The following ARID5B variants were observed in gnomAD, a reference collection of about 807,000 sequenced individuals.
The protein encoded by ARID5B is AT-rich interaction domain 5B, also known as AT-rich interactive domain-containing protein 5B.
ARID5B carries 13 observed loss-of-function variants against 97.2 expected under a neutral mutation model. That is an observed-to-expected ratio of 0.13 (90% CI 0.09 to 0.21). The LOEUF (loss-of-function observed/expected upper bound fraction) is 0.21, where lower values mean the gene tolerates loss of function less well. Among genes scored for constraint, ARID5B ranks in the 10% least tolerant of loss-of-function variants. ARID5B has a pLI of 1.00. For missense variants in ARID5B, 1,210 were observed against 1,465.3 expected (o/e 0.83, Z 2.84); for synonymous variants, 556 against 570.3 (o/e 0.97, Z 0.36).
intron 4 of ARID5B, among the ~76,000 whole-genome samples, chr10:62,048,344 C>A (rs1449562563): frequency 2.0e-5 from 3 of 152,036 alleles, no homozygotes; most frequent in African/African-American, 7.3e-5. Flanking sequence ...TAATAATATG[C>A]CAAAAACCAC....
intron 3 of ARID5B, 29 bp downstream of exon 3, chr10:61,940,437 A>C: frequency 6.3e-7 from 1 of 1,578,766 alleles, no homozygotes; most frequent in Non-Finnish European, 8.7e-7. Flanking sequence ...TTTAAATCTA[A>C]TGTGTGGGCG....
At chr10:62,075,723 G>C (rs1224186352) in intron 8 of ARID5B, among the ~76,000 whole-genome samples, 3 of 152,198 alleles carry the variant, frequency 2.0e-5, no homozygotes, top group African/African-American at 7.2e-5. Context: ...GGCGCCTCCA[G>C]TTTGTGTCAC....
intron 4 of ARID5B, among the ~76,000 whole-genome samples, chr10:62,004,530 C>A (rs1839121998): frequency 6.6e-6 from 1 of 152,132 alleles, no homozygotes; most frequent in African/African-American, 2.4e-5. Flanking sequence ...AATCTTTATT[C>A]TGTGCATAAT....
chr10:61,934,507 T>A lies in ARID5B; in HGVS notation c.277-5676T>A, dbSNP rs907075346. ...AAAGGGAGAGGCATGGGACTCCTACTTTCACTTGAACACTTAGAGGCCATT... is the reference window on the plus strand; with the variant it reads ...AAAGGGAGAGGCATGGGACTCCTACATTCACTTGAACACTTAGAGGCCATT... On this transcript the variant is annotated intron_variant, in intron 2 of 9. Coordinates refer to ENST00000279873, the MANE Select transcript of ARID5B (RefSeq NM_032199.3). Among the ~76,000 whole-genome samples the A allele has an allele frequency of 2.0e-5, 3 of 152,338 alleles. No homozygotes were observed. In the East Asian group the frequency reaches 5.8e-4, roughly 29 times the overall value.
chr10:61,931,286 T>C (rs1014282266), intron 2 of ARID5B, among the ~76,000 whole-genome samples: 26 of 152,328 alleles, frequency 1.7e-4, no homozygotes, highest in African/African-American at 5.3e-4. Flanking sequence ...TATTAATTCA[T>C]TTAAAAATTA....
intron 7 of ARID5B, among the ~76,000 whole-genome samples, chr10:62,060,019 T>C (rs919375631): frequency 1.3e-5 from 2 of 152,176 alleles, no homozygotes; most frequent in Non-Finnish European, 2.9e-5. Context: ...TCAATTGACA[T>C]AGGAAGATGT....
In ARID5B at chr10:62,076,235, G is replaced by A. The variant is rs147512312; in HGVS notation, c.1199+6438G>A. 3.7e-3 allele frequency among the ~76,000 whole-genome samples: 556 copies of A among 152,264 alleles called. 6 individuals carry two copies. Among genetic ancestry groups the A allele is most frequent in the African/African-American group, 0.013 (522 of 41,550 alleles). On this transcript the variant is annotated intron_variant, in intron 8 of 9. Coordinates refer to ENST00000279873, the MANE Select transcript of ARID5B (RefSeq NM_032199.3). ...CTGAGTCAAAGGCCGTACACACATG[G>A]AAGAGAGTTATATCTATGTCTGTGG... is the stretch of plus-strand genomic sequence containing the variant.
At chr10:62,039,170 C>G (rs1839603241) in intron 4 of ARID5B, among the ~76,000 whole-genome samples, 1 of 152,088 alleles carries the variant, frequency 6.6e-6, no homozygotes, top group Non-Finnish European at 1.5e-5. Flanking sequence ...GTTTGGAGGA[C>G]AAAGACAAAT....
intron 3 of ARID5B, among the ~76,000 whole-genome samples, chr10:61,949,738 A>G (rs926907577): frequency 6.6e-6 from 1 of 152,248 alleles, no homozygotes; most frequent in Non-Finnish European, 1.5e-5. Flanking sequence ...TAATTTCCCA[A>G]AGAACTGTCT....
chr10:61,945,082 G>A (rs1313267485), intron 3 of ARID5B, among the ~76,000 whole-genome samples: 1 of 152,136 alleles, frequency 6.6e-6, no homozygotes, highest in East Asian at 1.9e-4. Context: ...AAAGAGCAGA[G>A]GGTGGGCTGT....
chr10:62,005,032 T>A (rs1045149298), intron 4 of ARID5B, among the ~76,000 whole-genome samples: 7 of 152,252 alleles, frequency 4.6e-5, no homozygotes, highest in African/African-American at 1.4e-4. Flanking sequence ...GAATAAGAAG[T>A]TGAAGTTGTG....
chr10:62,013,808 A>ATATG, intron 4 of ARID5B, among the ~76,000 whole-genome samples: 1 of 149,948 alleles, frequency 6.7e-6, no homozygotes, highest in East Asian at 1.9e-4. Context: ...ATATATATAT[A>ATATG]TATATATACC....
chr10:61,914,055 A>C (rs1843856018), intron 2 of ARID5B, among the ~76,000 whole-genome samples: 1 of 152,180 alleles, frequency 6.6e-6, no homozygotes, highest in Non-Finnish European at 1.5e-5. Context: ...CCAGCCCTGG[A>C]ATGACAGGAT....
chr10:62,041,346 G>T (rs1431955623), intron 4 of ARID5B, among the ~76,000 whole-genome samples: 1 of 152,174 alleles, frequency 6.6e-6, no homozygotes, highest in Non-Finnish European at 1.5e-5. Flanking sequence ...GCCCTCATAG[G>T]GAGGAAGGGT....
chr10:61,964,676 C>T (rs1838518794), intron 3 of ARID5B, among the ~76,000 whole-genome samples: 1 of 152,166 alleles, frequency 6.6e-6, no homozygotes, highest in Admixed American at 6.5e-5. Context: ...CAAACAAGCT[C>T]CCTTTTTAAA....
intron 3 of ARID5B, among the ~76,000 whole-genome samples, chr10:61,946,291 C>T (rs189822065): frequency 6.6e-6 from 1 of 152,058 alleles, no homozygotes; most frequent in African/African-American, 2.4e-5. Flanking sequence ...GAGATGTGGA[C>T]ATGGGAAGGA....
chr10:61,990,214 C>T (rs552357678), intron 3 of ARID5B, among the ~76,000 whole-genome samples: 2 of 152,300 alleles, frequency 1.3e-5, no homozygotes, highest in South Asian at 4.1e-4. Context: ...AACAATGCAA[C>T]CTATAAAAGT....
chr10:61,946,628 T>C (rs915061244), intron 3 of ARID5B, among the ~76,000 whole-genome samples: 2 of 152,178 alleles, frequency 1.3e-5, no homozygotes, highest in African/African-American at 4.8e-5. Flanking sequence ...ACCTTCTAAC[T>C]AAAACGAATT....
intron 3 of ARID5B, among the ~76,000 whole-genome samples, chr10:61,965,317 A>G (rs914399442): frequency 6.6e-6 from 1 of 152,180 alleles, no homozygotes; most frequent in African/African-American, 2.4e-5. Flanking sequence ...AAATTTTTCC[A>G]TGTTCATTTT....
Sources: gnomAD v4.1 joint callset for allele counts (sites outside exome capture counted in the v4.1 genomes callset) on GRCh38, gnomAD v4.1.1 for gene constraint, MANE v1.5 for transcripts, NCBI Gene and HGNC (gene_info 2026-07-23, HGNC 2026-07-21) for gene names.